FNBP1: variants seen among roughly 807,000 people sequenced by gnomAD.
The protein encoded by FNBP1 is formin-binding protein 1.
A neutral mutation model predicts 90.6 loss-of-function variants in FNBP1; 26 were observed. That is an observed-to-expected ratio of 0.29 (90% confidence interval 0.21 to 0.40). The LOEUF is 0.40. Among genes scored for constraint, FNBP1 ranks in the 10% least tolerant of loss-of-function variants. The pLI, the probability that FNBP1 is intolerant of heterozygous loss-of-function variation, is 1.00. For missense variants in FNBP1, 635 were observed against 768.0 expected, an observed-to-expected ratio of 0.83 and a Z score of 2.05; for synonymous variants, 260 against 265.2, an observed-to-expected ratio of 0.98 and a Z score of 0.19.
At chr9:130,011,047 G>C (rs2056490525) in intron 1 of FNBP1, among the ~76,000 whole-genome samples, 1 of 150,082 alleles carries the variant, frequency 6.7e-6, no homozygotes, top group Non-Finnish European at 1.5e-5. Flanking sequence ...ATGGAAGGAA[G>C]GTGGAAAAGC....
At chr9:129,919,370 A>G (rs1335499438) in intron 10 of FNBP1, 4 of 378,196 alleles carry the variant, frequency 1.1e-5, no homozygotes, top group Non-Finnish European at 2.0e-5. Context: ...TTTCCATACA[A>G]TGAACTCTAA....
At chr9:130,033,548 T>C (rs763016271) in intron 1 of FNBP1, among the ~76,000 whole-genome samples, 1 of 152,168 alleles carries the variant, frequency 6.6e-6, no homozygotes, top group African/African-American at 2.4e-5. Context: ...TTTAAAACCC[T>C]GAATGTCGGC....
At chr9:129,917,984 T>G (rs2040513959) in intron 10 of FNBP1, among the ~76,000 whole-genome samples, 2 of 152,238 alleles carry the variant, frequency 1.3e-5, no homozygotes. Context: ...CACACATTAT[T>G]GTCTAAACAT....
chr9:129,951,169 C>T (rs959696345), intron 6 of FNBP1, among the ~76,000 whole-genome samples: 2 of 152,006 alleles, frequency 1.3e-5, no homozygotes, highest in East Asian at 1.9e-4. Context: ...GTTGGCTAGG[C>T]TGGTCTCAAA....
At chr9:129,939,739 A>C (rs890929894) in intron 6 of FNBP1, among the ~76,000 whole-genome samples, 3 of 152,312 alleles carry the variant, frequency 2.0e-5, no homozygotes, top group African/African-American at 7.2e-5. Flanking sequence ...TACTTCTACA[A>C]TCCTGTTTTT....
intron 1 of FNBP1, among the ~76,000 whole-genome samples, chr9:129,997,896 C>T (rs1589158041): frequency 6.6e-6 from 1 of 152,010 alleles, no homozygotes; most frequent in Non-Finnish European, 1.5e-5. Context: ...TATTTAAAAG[C>T]CCTCTCCCAG....
chr9:129,943,485 C>G (rs1397049685), intron 6 of FNBP1, among the ~76,000 whole-genome samples: 1 of 142,012 alleles, frequency 7.0e-6, no homozygotes, highest in African/African-American at 2.6e-5. Context: ...CTCCCAGCTT[C>G]AAGCGATTCT....
Position 129,957,229 on chromosome 9 carries a change from G to C in FNBP1, c.513+131C>G, listed in dbSNP as rs1391882664. ...ATTTTTGTGTTTTTCGTAGAGATGG[G>C]GTTTCACCATCTTGGCCAGGCTGGT... On this transcript the variant is annotated intron_variant, in intron 6 of 16. Transcript: ENST00000446176. This position sits in a 1 kb window ranked among gnomAD's most constrained non-coding sequence, Gnocchi z 4.3. 1.6e-6 allele frequency: 1 copy of C among 638,390 alleles called. No homozygotes were observed. Among genetic ancestry groups the C allele is most frequent in the Non-Finnish European group, 2.7e-6 (1 of 364,844 alleles). The allele number at this position is 638,390 out of a possible 1,614,324, so 39.5% of individuals were successfully genotyped here.
In FNBP1 at chr9:129,927,771, C is replaced by T. The variant is rs935350710; in HGVS notation, c.643-430G>A. Among the ~76,000 whole-genome samples the T allele has an allele frequency of 6.2e-5, 9 of 145,782 alleles. 1 individual carries two copies. The highest frequency in any genetic ancestry group is 4.1e-4 in the East Asian group (2 of 4,856). On this transcript the variant is annotated intron_variant, in intron 7 of 16. Transcript: ENST00000446176. ...TTACAGGCCCCACCCCCCCTCCCCC[C>T]GCCACCACACTTGGCTAATTTTTTG... is the stretch of plus-strand genomic sequence containing the variant.
rs775840138 is a variant in FNBP1 at position 129,958,518 on chromosome 9, G to A, written c.381C>T (p.Ile127=). ...FHDGRKAQQH[I]ETCWKQLESS... ...ATTCAAGCTGCTTCCAGCAAGTCTCGATGTGCTGCTGTGCTTTACGGCCAT... is the reference window on the plus strand; with the variant it reads ...ATTCAAGCTGCTTCCAGCAAGTCTCAATGTGCTGCTGTGCTTTACGGCCAT... The change falls in exon 5 of 17, where the codon ATC becomes ATT. Residue 127 remains isoleucine (I), a synonymous_variant. Coordinates refer to ENST00000446176, the MANE Select transcript of FNBP1 (RefSeq NM_015033.3). 1.1e-5 allele frequency: 18 copies of A among 1,599,430 alleles called. No individual in the cohort carries two copies. Among genetic ancestry groups the A allele is most frequent in the East Asian group, 4.5e-5 (2 of 44,550 alleles).
At chr9:130,014,063 G>C (rs1210314860) in intron 1 of FNBP1, 1 of 456,462 alleles carries the variant, frequency 2.2e-6, no homozygotes. Context: ...CCAAAAATAG[G>C]CAAAACTAAA....
rs1416680991 is a variant in FNBP1 at position 130,041,524 on chromosome 9, A to G, written c.24+1428T>C. On this transcript the variant is annotated intron_variant, in intron 1 of 16. Transcript: ENST00000446176. This position sits in a 1 kb window ranked among gnomAD's most constrained non-coding sequence, Gnocchi z 4.3. Reference sequence around the variant, plus strand: ...AGGATTAGAAGAGGAAAGAAACTTCAATACGGTACTCAAAGTCATAGATTT... The same window carrying G: ...AGGATTAGAAGAGGAAAGAAACTTCGATACGGTACTCAAAGTCATAGATTT... 6.6e-6 allele frequency among the ~76,000 whole-genome samples: 1 copy of G among 152,246 alleles called. No homozygotes were observed. The highest frequency in any genetic ancestry group is 1.5e-5 in the Non-Finnish European group (1 of 68,040).
intron 1 of FNBP1, among the ~76,000 whole-genome samples, chr9:130,028,425 G>T (rs192888408): frequency 6.6e-6 from 1 of 152,204 alleles, no homozygotes; most frequent in East Asian, 1.9e-4. Flanking sequence ...CTATTAGTCT[G>T]TCTTCAAAAG....
In FNBP1 at chr9:130,041,788, A is replaced by G. The variant is rs2059842089; in HGVS notation, c.24+1164T>C. 6.6e-6 allele frequency among the ~76,000 whole-genome samples: 1 copy of G among 152,204 alleles called. No homozygotes were observed. The highest frequency in any genetic ancestry group is 1.5e-5 in the Non-Finnish European group (1 of 68,030). On this transcript the variant is annotated intron_variant, in intron 1 of 16. Coordinates refer to ENST00000446176, the MANE Select transcript of FNBP1 (RefSeq NM_015033.3). The surrounding 1 kb of genome is among the most constrained non-coding windows in gnomAD (Gnocchi z 4.3). Reference sequence around the variant, plus strand: ...AAAGCAAAAGAAAACAAAACAAAAAACAAGGGAGGATGTGCTCTGTTTCTG... The same window carrying G: ...AAAGCAAAAGAAAACAAAACAAAAAGCAAGGGAGGATGTGCTCTGTTTCTG...
At chr9:129,954,929 G>T (rs1255901121) in intron 6 of FNBP1, among the ~76,000 whole-genome samples, 1 of 151,956 alleles carries the variant, frequency 6.6e-6, no homozygotes, top group South Asian at 2.1e-4. Context: ...AGGAGGTGGA[G>T]ATTGCAATGA....
chr9:130,020,490 G>C (rs899567624), intron 1 of FNBP1, among the ~76,000 whole-genome samples: 1 of 152,176 alleles, frequency 6.6e-6, no homozygotes, highest in African/African-American at 2.4e-5. Context: ...GATTACAGGA[G>C]TGAGCCAGCG....
chr9:129,890,661 G>T lies in FNBP1; in HGVS notation c.1847-115C>A. 1 of 712,818 alleles carries T rather than the reference G, an allele frequency of 1.4e-6. No homozygotes were observed. Among genetic ancestry groups the T allele is most frequent in the Non-Finnish European group, 2.5e-6 (1 of 395,864 alleles). The allele number at this position is 712,818 out of a possible 1,614,324, so 44.2% of individuals were successfully genotyped here. ...TGCACCGCCCTGGGAGGGGAGGGTA[G>T]TGGGAGGGGAGGGATGGGAGGGGGC... On this transcript the variant is annotated intron_variant, in intron 16 of 16. Transcript: ENST00000446176. This position sits in a 1 kb window ranked among gnomAD's most constrained non-coding sequence, Gnocchi z 5.8.
chr9:129,955,864 T>C (rs968298602), intron 6 of FNBP1, among the ~76,000 whole-genome samples: 20 of 122,282 alleles, frequency 1.6e-4, no homozygotes, highest in East Asian at 7.5e-4. Context: ...CACACACACA[T>C]ATATGAATGA....
intron 6 of FNBP1, among the ~76,000 whole-genome samples, chr9:129,941,386 C>T (rs1423641161): frequency 6.6e-6 from 1 of 152,062 alleles, no homozygotes; most frequent in African/African-American, 2.4e-5. Context: ...GAGACGCCAT[C>T]TTAAATAAAT....
Sources: gnomAD v4.1 joint callset for allele counts (sites outside exome capture counted in the v4.1 genomes callset) on GRCh38, gnomAD v4.1.1 for gene constraint, Gnocchi (gnomAD v3.1) non-coding constraint, MANE v1.5 for transcripts, NCBI Gene and HGNC (gene_info 2026-07-23, HGNC 2026-07-21) for gene names.